PEAK1: variants seen among roughly 807,000 people sequenced by gnomAD.
The protein encoded by PEAK1 is inactive tyrosine-protein kinase PEAK1.
A neutral mutation model predicts 124.7 loss-of-function variants in PEAK1; 54 were observed. The ratio of observed to expected loss-of-function variants is 0.43; its 90% CI spans 0.35 to 0.54. The LOEUF (loss-of-function observed/expected upper bound fraction) is 0.54. Among genes scored for constraint, PEAK1 ranks in the 20% least tolerant of loss-of-function variants. The pLI, the probability that PEAK1 is intolerant of heterozygous loss-of-function variation, is 0.01. For synonymous variants in PEAK1, 719 were observed against 760.0 expected (o/e 0.95, Z 0.89); for missense variants, 2,046 against 2,134.5 (o/e 0.96, Z 0.82).
In PEAK1 at chr15:77,252,522, G is replaced by A. The variant is rs2060924746; in HGVS notation, c.-270C>T. On this transcript the variant is annotated 5_prime_UTR_variant, in exon 6 of 10. Coordinates refer to ENST00000682557, the MANE Select transcript of PEAK1 (RefSeq NM_001385026.1). Reference sequence around the variant, plus strand: ...TTCCTTAATTTCTGAAGATAGCAATGTTTACTGCAAGAGAAAAAAAATAGA... The same window carrying A: ...TTCCTTAATTTCTGAAGATAGCAATATTTACTGCAAGAGAAAAAAAATAGA... 1.0e-6 allele frequency: 1 copy of A among 983,902 alleles called. No homozygotes were observed. The highest frequency in any genetic ancestry group is 1.2e-6 in the Non-Finnish European group (1 of 828,870). The allele number at this position is 983,902 out of a possible 1,614,324, so 60.9% of individuals were successfully genotyped here. A position where few individuals can be genotyped will look rare whatever the true frequency, so the allele number is the denominator to read the frequency against.
chr15:77,391,670 C>T (rs970408362), intron 1 of PEAK1, among the ~76,000 whole-genome samples: 2 of 152,056 alleles, frequency 1.3e-5, no homozygotes, highest in African/African-American at 4.8e-5. Context: ...CACAAAGATA[C>T]AGAAGTCTGA....
chr15:77,350,432 CA>C, intron 2 of PEAK1: 2 of 985,358 alleles, frequency 2.0e-6, no homozygotes, highest in Non-Finnish European at 2.4e-6. Context: ...CTGAATGTAG[CA>C]AGCTTTCCAC....
At chr15:77,284,795 A>G (rs763605840) in intron 4 of PEAK1, among the ~76,000 whole-genome samples, 163 bp downstream of exon 4, 8 of 151,856 alleles carry the variant, frequency 5.3e-5, no homozygotes, top group Non-Finnish European at 1.0e-4. Flanking sequence ...CAAGTCTGTA[A>G]TCCCAGTACT....
At chr15:77,386,934 T>C (rs2069998784) in intron 1 of PEAK1, among the ~76,000 whole-genome samples, 1 of 152,146 alleles carries the variant, frequency 6.6e-6, no homozygotes. Context: ...CAAAGATCTT[T>C]AAAGAATTTC....
intron 6 of PEAK1, among the ~76,000 whole-genome samples, chr15:77,217,928 G>T (rs1159131102): frequency 6.6e-6 from 1 of 152,020 alleles, no homozygotes; most frequent in Non-Finnish European, 1.5e-5. Flanking sequence ...AATGTGTATT[G>T]CAAATATATA....
At chr15:77,414,660 T>C (rs185527415) in intron 1 of PEAK1, among the ~76,000 whole-genome samples, 53 of 152,352 alleles carry the variant, frequency 3.5e-4, no homozygotes, top group Middle Eastern at 3.4e-3. Flanking sequence ...TTTCTTCATC[T>C]GAAGGAGAAC....
At chr15:77,357,365 G>A (rs75180243) in intron 2 of PEAK1, among the ~76,000 whole-genome samples, 34,383 of 152,150 alleles carry the variant, frequency 0.23, 4,332 homozygotes, top group Middle Eastern at 0.3. Context: ...CTCCGCCTCC[G>A]GGGTGCAAGC....
At chr15:77,104,554 C>T (rs1294372841), downstream of PEAK1, 2 of 152,416 alleles carry the variant, frequency 1.3e-5, no homozygotes, top group African/African-American at 4.8e-5. Flanking sequence ...GCATGTCTCC[C>T]AGGCCAGCCT....
intron 9 of PEAK1, among the ~76,000 whole-genome samples, chr15:77,129,634 CG>C (rs1354408997): frequency 9.2e-5 from 13 of 141,198 alleles, no homozygotes; most frequent in Non-Finnish European, 4.6e-5. Context: ...TTAGCAGAGA[CG>C]GGGTTTTGCC....
chr15:77,353,581 T>TA (rs994162852), intron 2 of PEAK1, among the ~76,000 whole-genome samples: 4 of 152,046 alleles, frequency 2.6e-5, no homozygotes, highest in East Asian at 1.9e-4. Flanking sequence ...TGCAGTAAGG[T>TA]AAAAAAACAG....
At chr15:77,279,485 T>C (rs1443542940) in intron 5 of PEAK1, among the ~76,000 whole-genome samples, 1 of 152,216 alleles carries the variant, frequency 6.6e-6, no homozygotes, top group Non-Finnish European at 1.5e-5. Flanking sequence ...GATGTTCCAG[T>C]GATACCACTG....
chr15:77,150,151 GT>G (rs889806661), intron 8 of PEAK1, among the ~76,000 whole-genome samples: 7 of 150,716 alleles, frequency 4.6e-5, no homozygotes, highest in African/African-American at 1.7e-4. Context: ...AAGTGATGAT[GT>G]TTTTTTTAAG....
intron 9 of PEAK1, among the ~76,000 whole-genome samples, chr15:77,123,165 A>G (rs1270842185): frequency 6.6e-6 from 1 of 152,192 alleles, no homozygotes; most frequent in Non-Finnish European, 1.5e-5. Flanking sequence ...TACTTTAAAG[A>G]TACCTACTAT....
chr15:77,297,429 G>T (rs1227753300), intron 2 of PEAK1, among the ~76,000 whole-genome samples: 2 of 151,798 alleles, frequency 1.3e-5, no homozygotes, highest in African/African-American at 4.9e-5. Flanking sequence ...CACTTCAGCT[G>T]ACATAACAGC....
At chr15:77,388,456 T>G (rs2070148412) in intron 1 of PEAK1, among the ~76,000 whole-genome samples, 1 of 152,160 alleles carries the variant, frequency 6.6e-6, no homozygotes, top group African/African-American at 2.4e-5. Context: ...CCTTTTCCCC[T>G]GCTTAAACAC....
chr15:77,417,495 A>G (rs2072982908), intron 1 of PEAK1: 1 of 984,010 alleles, frequency 1.0e-6, no homozygotes, highest in Admixed American at 6.2e-5. Flanking sequence ...GAATCACAGT[A>G]AAGAGATCAG....
Position 77,180,567 on chromosome 15 carries a change from G to A in PEAK1, c.1360C>T (p.Pro454Ser), listed in dbSNP as rs2057195878. The A allele has an allele frequency of 1.9e-6, 3 of 1,614,118 alleles. No individual in the cohort carries two copies. The highest frequency in any genetic ancestry group is 1.7e-6 in the Non-Finnish European group (2 of 1,180,014). ...TAAGGTTTTGCTTGCTCTTCTGTGG[G>A]GACAAGGTTTATGGTTACTGCTTGC... is the stretch of plus-strand genomic sequence containing the variant. ...AGQAVTINLVPTEEQAKPYRV... is the reference protein window; with the variant it reads ...AGQAVTINLVSTEEQAKPYRV... Residue 454 changes from proline (P) to serine (S), a missense_variant, in exon 7 of 10, where the codon CCC becomes TCC. Coordinates refer to ENST00000682557, the MANE Select transcript of PEAK1 (RefSeq NM_001385026.1).
intron 2 of PEAK1, chr15:77,337,015 A>G: frequency 1.6e-6 from 1 of 624,732 alleles, no homozygotes; most frequent in Non-Finnish European, 2.0e-6. Flanking sequence ...ATCCAAAGAC[A>G]TAAATTAACT....
At chr15:77,290,980 A>G (rs1470713268) in intron 2 of PEAK1, among the ~76,000 whole-genome samples, 4 of 152,230 alleles carry the variant, frequency 2.6e-5, no homozygotes, top group Admixed American at 1.3e-4. Context: ...ATATAGCCAT[A>G]TAAGACAATA....
Sources: gnomAD v4.1 joint callset for allele counts (sites outside exome capture counted in the v4.1 genomes callset) on GRCh38, gnomAD v4.1.1 for gene constraint, MANE v1.5 for transcripts, NCBI Gene and HGNC (gene_info 2026-07-23, HGNC 2026-07-21) for gene names.